The following GPSM2 variants were observed in gnomAD, a reference collection of about 807,000 sequenced individuals.
GPSM2 encodes G protein-signaling modulator 2.
GPSM2 carries 58 observed loss-of-function variants against 78.4 expected under a neutral mutation model. The observed-to-expected ratio is 0.74, with a 90% CI of 0.60 to 0.92. GPSM2 has a LOEUF of 0.92. Among genes scored for constraint, GPSM2 ranks in the 40% least tolerant of loss-of-function variants. The probability of loss-of-function intolerance (pLI) is 0.00; values close to 1 mark genes in which losing one functional copy is unlikely to be tolerated. For synonymous variants in GPSM2, 224 were observed against 280.2 expected, an observed-to-expected ratio of 0.80 and a Z score of 2.00; for missense variants, 700 against 815.5, an observed-to-expected ratio of 0.86 and a Z score of 1.73.
chr1:108,904,874 A>G (rs1649103738), intron 10 of GPSM2, among the ~76,000 whole-genome samples: 1 of 152,084 alleles, frequency 6.6e-6, no homozygotes, highest in African/African-American at 2.4e-5. Flanking sequence ...AAGAAAATCT[A>G]CTTTTAAAGA....
intron 1 of GPSM2, among the ~76,000 whole-genome samples, chr1:108,882,367 A>G (rs1043112745): frequency 2.6e-5 from 4 of 152,246 alleles, no homozygotes; most frequent in African/African-American, 9.6e-5. Context: ...TAGTATTTGC[A>G]TATAACCTAT....
At chr1:108,914,839 T>C (rs888789942) in intron 11 of GPSM2, among the ~76,000 whole-genome samples, 1 of 152,152 alleles carries the variant, frequency 6.6e-6, no homozygotes, top group African/African-American at 2.4e-5. Flanking sequence ...ATAGCAACAT[T>C]ATTGCCAAGA....
intron 13 of GPSM2, among the ~76,000 whole-genome samples, chr1:108,922,885 C>T (rs1179616815): frequency 6.6e-6 from 1 of 152,036 alleles, no homozygotes; most frequent in Non-Finnish European, 1.5e-5. Context: ...ATCTCAGCTA[C>T]TTGGGAGGCT....
intron 10 of GPSM2, among the ~76,000 whole-genome samples, chr1:108,910,240 T>G (rs1649626432): frequency 6.6e-6 from 1 of 152,096 alleles, no homozygotes; most frequent in Non-Finnish European, 1.5e-5. Context: ...TAAAATGTAA[T>G]GTGAATGGCA....
intron 10 of GPSM2, 87 bp from the exon 11 acceptor site, chr1:108,914,251 G>A (rs1370027423): frequency 1.1e-6 from 1 of 871,630 alleles, no homozygotes; most frequent in Non-Finnish European, 1.9e-6. Flanking sequence ...TTGTGTATCA[G>A]ATTTTAGAAC....
At chr1:108,905,947 T>C (rs1470496421) in intron 10 of GPSM2, among the ~76,000 whole-genome samples, 2 of 152,360 alleles carry the variant, frequency 1.3e-5, no homozygotes, top group East Asian at 3.9e-4. Context: ...AGCACAGCTC[T>C]AGATAATCTC....
intron 1 of GPSM2, among the ~76,000 whole-genome samples, chr1:108,880,059 A>G (rs1344622895): frequency 6.6e-6 from 1 of 152,180 alleles, no homozygotes; most frequent in African/African-American, 2.4e-5. Context: ...GTGCTGTACA[A>G]AATTCCTTGC....
chr1:108,908,676 C>T (rs1213831605), intron 10 of GPSM2, among the ~76,000 whole-genome samples: 2 of 138,884 alleles, frequency 1.4e-5, no homozygotes, highest in South Asian at 2.2e-4. Context: ...TCTCAAAACA[C>T]ACGTGCGCGC....
At chr1:108,907,871 G>A (rs560900366) in intron 10 of GPSM2, among the ~76,000 whole-genome samples, 8 of 152,276 alleles carry the variant, frequency 5.3e-5, no homozygotes, top group South Asian at 2.1e-4. Flanking sequence ...TCCAGAATCC[G>A]TCTTATGTGA....
chr1:108,914,099 T>G (rs1267630613), intron 10 of GPSM2, among the ~76,000 whole-genome samples: 1 of 152,218 alleles, frequency 6.6e-6, no homozygotes, highest in Non-Finnish European at 1.5e-5. Flanking sequence ...GTAACCAGTG[T>G]TAGTTTCCAA....
chr1:108,897,767 A>G, intron 4 of GPSM2, 140 bp downstream of exon 4: 1 of 969,504 alleles, frequency 1.0e-6, no homozygotes, highest in Non-Finnish European at 1.5e-6. Context: ...GAAGTAAAAG[A>G]AAAAAAATTT....
At chr1:108,893,088 C>A (rs1648088694) in intron 2 of GPSM2, among the ~76,000 whole-genome samples, 1 of 152,140 alleles carries the variant, frequency 6.6e-6, no homozygotes, top group Non-Finnish European at 1.5e-5. Context: ...ACTTACGATG[C>A]CATTCAATCT....
rs567021109 is a variant in GPSM2, at chr1:108,927,230, T to C, written c.1816-2471T>C. On this transcript the variant is annotated intron_variant, in intron 14 of 14. Transcript: ENST00000264126. ...CATTTCGATACTATCCAAAGTGACCTACAAATTCAGTGCAATCCCTGTAAA... is the reference window on the plus strand; with the variant it reads ...CATTTCGATACTATCCAAAGTGACCCACAAATTCAGTGCAATCCCTGTAAA... Among the ~76,000 whole-genome samples, 10 of 152,320 alleles carry C rather than the reference T, an allele frequency of 6.6e-5. No homozygotes were observed. In the South Asian group the frequency reaches 2.1e-3, roughly 32 times the overall value.
chr1:108,911,078 T>A (rs1404047178), intron 10 of GPSM2, among the ~76,000 whole-genome samples: 1 of 151,882 alleles, frequency 6.6e-6, no homozygotes, highest in Non-Finnish European at 1.5e-5. Flanking sequence ...AAAATCCAAC[T>A]ACACACTACT....
At chr1:108,900,081 A>G (rs915068182) in intron 7 of GPSM2, among the ~76,000 whole-genome samples, 20 of 152,184 alleles carry the variant, frequency 1.3e-4, no homozygotes, top group Non-Finnish European at 4.4e-5. Context: ...GAAAGGTTCT[A>G]TTATAAAATG....
chr1:108,929,423 T>C, intron 14 of GPSM2: 1 of 435,638 alleles, frequency 2.3e-6, no homozygotes, highest in Non-Finnish European at 4.2e-6. Flanking sequence ...ATTAAAACAG[T>C]ATGACTTAAC....
intron 2 of GPSM2, among the ~76,000 whole-genome samples, chr1:108,894,873 CT>C (rs977470628): frequency 6.6e-6 from 1 of 152,106 alleles, no homozygotes; most frequent in African/African-American, 2.4e-5. Flanking sequence ...CTCAGTTTAT[CT>C]TTGTCCAGGC....
In GPSM2 at chr1:108,915,011, C is replaced by T. The variant is rs181797992; in HGVS notation, c.1263+603C>T. ...AGGGAAGGGACTTCATAATTAGAAA[C>T]AGGTTATTGAAGAAAACATCAAGGC... On this transcript the variant is annotated intron_variant, in intron 11 of 14. Transcript: ENST00000264126. Among the ~76,000 whole-genome samples, 18 of 152,174 alleles carry T rather than the reference C, an allele frequency of 1.2e-4. No homozygotes were observed. In the East Asian group the frequency reaches 2.7e-3, roughly 23 times the overall value.
chr1:108,924,020 T>A lies in GPSM2; in HGVS notation c.1621T>A (p.Ser541Thr). The A allele has an allele frequency of 6.2e-7, 1 of 1,608,338 alleles. No individual in the cohort carries two copies. Residue 541 changes from serine to threonine, a missense_variant, in exon 14 of 15, where the codon TCC becomes ACC. Physicochemically the swap from Ser to Thr is moderately conservative, Grantham distance 58. Coordinates refer to ENST00000264126, the MANE Select transcript of GPSM2 (RefSeq NM_013296.5). Reference sequence around the variant, plus strand: ...CTTAGCATCATCTGTTCCTGTGGTATCCCCCAACACGGATGAGTTTTTAGA... The same window carrying A: ...CTTAGCATCATCTGTTCCTGTGGTAACCCCCAACACGGATGAGTTTTTAGA... ...MLKTSSVPVV[S>T]PNTDEFLDLL...
Sources: gnomAD v4.1 joint callset for allele counts (sites outside exome capture counted in the v4.1 genomes callset) on GRCh38, gnomAD v4.1.1 for gene constraint, MANE v1.5 for transcripts, NCBI Gene and HGNC (gene_info 2026-07-23, HGNC 2026-07-21) for gene names.